BABAM2: variants seen among roughly 807,000 people sequenced by gnomAD.
BABAM2 encodes the protein BRISC and BRCA1-A complex member 2.
A neutral mutation model predicts 54.7 loss-of-function variants in BABAM2; 31 were observed. That is an observed-to-expected ratio of 0.57 (90% CI 0.43 to 0.77). The LOEUF is 0.77. BABAM2 is among the 30% of genes least tolerant of loss of function. The pLI is 0.00. For synonymous variants in BABAM2, 167 were observed against 162.9 expected, an observed-to-expected ratio of 1.03 and a Z score of -0.19; for missense variants, 364 against 455.8, an observed-to-expected ratio of 0.80 and a Z score of 1.83.
chr2:28,204,946 T>G (rs1678675029), intron 7 of BABAM2, among the ~76,000 whole-genome samples: 1 of 151,954 alleles, frequency 6.6e-6, no homozygotes, highest in Non-Finnish European at 1.5e-5. Context: ...AGTGTCACTT[T>G]CAGTAAAAAA....
At chr2:27,933,815 T>A (rs1202887870) in intron 3 of BABAM2, among the ~76,000 whole-genome samples, 1 of 147,834 alleles carries the variant, frequency 6.8e-6, no homozygotes, top group African/African-American at 2.5e-5. Context: ...TTGCCCAGGC[T>A]GGACTTGAAC....
At chr2:28,084,383 A>G (rs1206022411) in intron 6 of BABAM2, among the ~76,000 whole-genome samples, 1 of 152,164 alleles carries the variant, frequency 6.6e-6, no homozygotes, top group Non-Finnish European at 1.5e-5. Flanking sequence ...ATTTTTCCAG[A>G]AGAAAATATG....
chr2:28,123,020 A>G (rs1447498703), intron 6 of BABAM2, among the ~76,000 whole-genome samples: 1 of 152,196 alleles, frequency 6.6e-6, no homozygotes, highest in African/African-American at 2.4e-5. Context: ...TAATTCCATC[A>G]TTTATACTGT....
chr2:28,095,523 G>A (rs1458711095), intron 6 of BABAM2, among the ~76,000 whole-genome samples: 2 of 152,096 alleles, frequency 1.3e-5, no homozygotes, highest in African/African-American at 4.8e-5. Flanking sequence ...TCTATTCATA[G>A]TCCAGTACTC....
chr2:28,324,896 G>A (rs961128062), intron 11 of BABAM2, among the ~76,000 whole-genome samples: 6 of 152,164 alleles, frequency 3.9e-5, no homozygotes, highest in African/African-American at 1.4e-4. Flanking sequence ...TAGTAAGCCT[G>A]TTAGAAGGAG....
chr2:28,129,405 C>T, intron 7 of BABAM2, 25 bp downstream of exon 7: 1 of 1,561,428 alleles, frequency 6.4e-7, no homozygotes, highest in Non-Finnish European at 8.8e-7. Context: ...CATGAGGTAG[C>T]CTGGTGCTAC....
intron 7 of BABAM2, among the ~76,000 whole-genome samples, chr2:28,187,482 G>A (rs539028336): frequency 1.5e-4 from 23 of 152,232 alleles, no homozygotes; most frequent in Non-Finnish European, 2.5e-4. Context: ...TAAAGACAAA[G>A]CAGAGTCCCA....
rs1398638574 is a variant in BABAM2 at position 28,329,980 on chromosome 2, C to G, written c.1089-8470C>G. 6.6e-6 allele frequency among the ~76,000 whole-genome samples: 1 copy of G among 152,156 alleles called. No individual in the cohort carries two copies. The highest frequency in any genetic ancestry group is 1.5e-5 in the Non-Finnish European group (1 of 68,028). On this transcript the variant is annotated intron_variant, in intron 11 of 11. Coordinates refer to ENST00000379624, the MANE Select transcript of BABAM2 (RefSeq NM_199191.3). The surrounding 1 kb of genome is among the most constrained non-coding windows in gnomAD (Gnocchi z 4.2). ...CCAGCAGCACATCAAAAAGCTTATC[C>G]ACCACAATCAAGTCAGCTTCATCCC...
At chr2:28,163,527 C>T (rs1294492909) in intron 7 of BABAM2, among the ~76,000 whole-genome samples, 2 of 152,110 alleles carry the variant, frequency 1.3e-5, no homozygotes, top group Non-Finnish European at 1.5e-5. Flanking sequence ...AAGGCAGTCA[C>T]CCCTGCCAGA....
chr2:28,316,612 A>G (rs1358745035), intron 11 of BABAM2, among the ~76,000 whole-genome samples: 1 of 152,168 alleles, frequency 6.6e-6, no homozygotes, highest in African/African-American at 2.4e-5. Flanking sequence ...GGTAGAATGA[A>G]GACAGCCTTT....
chr2:27,914,402 A>G lies in BABAM2; in HGVS notation c.129-15430A>G, dbSNP rs1172058275. Among the ~76,000 whole-genome samples the G allele has an allele frequency of 2.0e-5, 3 of 152,320 alleles. No individual in the cohort carries two copies. The South Asian group carries it at 6.2e-4, about 32-fold the overall frequency. ...TTGATAGTTCTTTCTTCTGTAGGCT[A>G]ACATGTAGCCTTTGCTGCTATCATG... On this transcript the variant is annotated intron_variant, in intron 2 of 11. Transcript: ENST00000379624.
intron 10 of BABAM2, among the ~76,000 whole-genome samples, chr2:28,288,703 C>G (rs1318506219): frequency 6.6e-6 from 1 of 152,208 alleles, no homozygotes; most frequent in Non-Finnish European, 1.5e-5. Flanking sequence ...CTTTTCCTTT[C>G]TATGAGATAT....
intron 11 of BABAM2, among the ~76,000 whole-genome samples, chr2:28,313,463 A>G (rs1013183822): frequency 2.0e-5 from 3 of 152,228 alleles, no homozygotes; most frequent in African/African-American, 7.2e-5. Context: ...CCAAGAAAGC[A>G]GAAATGGGGT....
intron 7 of BABAM2, among the ~76,000 whole-genome samples, chr2:28,181,570 C>T (rs571484140): frequency 6.6e-6 from 1 of 151,926 alleles, no homozygotes; most frequent in Non-Finnish European, 1.5e-5. Flanking sequence ...TAAAATGTCC[C>T]AGTACATAGA....
chr2:28,161,445 G>A lies in BABAM2; in HGVS notation c.680+32065G>A, dbSNP rs191476937. 3.9e-5 allele frequency among the ~76,000 whole-genome samples: 6 copies of A among 152,270 alleles called. No homozygotes were observed. In the East Asian group the frequency reaches 1.2e-3, roughly 29 times the overall value. ...GGGGGTAGGTAGAAAGTAGAAATTA[G>A]AGATAGGCCTTCAAGGAAATTCCAG... is the stretch of plus-strand genomic sequence containing the variant. On this transcript the variant is annotated intron_variant, in intron 7 of 11. Transcript: ENST00000379624.
chr2:28,129,955 A>G (rs534828455), intron 7 of BABAM2, among the ~76,000 whole-genome samples: 1 of 152,362 alleles, frequency 6.6e-6, no homozygotes, highest in Non-Finnish European at 1.5e-5. Context: ...TAACCAAGTA[A>G]CATTATTCAT....
At chr2:28,101,437 C>T (rs1457022354) in intron 6 of BABAM2, among the ~76,000 whole-genome samples, 3 of 152,130 alleles carry the variant, frequency 2.0e-5, no homozygotes, top group Non-Finnish European at 4.4e-5. Context: ...GACACAGGGC[C>T]TCCCAAATTC....
At chr2:28,046,045 G>GA (rs1454831924) in intron 6 of BABAM2, among the ~76,000 whole-genome samples, 7 of 152,060 alleles carry the variant, frequency 4.6e-5, no homozygotes. Flanking sequence ...TAAACTTTGG[G>GA]AAAAATCGCT....
chr2:27,900,960 G>A (rs1183207394), intron 2 of BABAM2, among the ~76,000 whole-genome samples: 15 of 150,290 alleles, frequency 1.0e-4, no homozygotes, highest in South Asian at 4.2e-4. Flanking sequence ...GGAGAATGGC[G>A]TGAACCCGGG....
Sources: gnomAD v4.1 joint callset for allele counts (sites outside exome capture counted in the v4.1 genomes callset) on GRCh38, gnomAD v4.1.1 for gene constraint, Gnocchi (gnomAD v3.1) non-coding constraint, MANE v1.5 for transcripts, NCBI Gene and HGNC (gene_info 2026-07-23, HGNC 2026-07-21) for gene names.